Variants in NCOA7 observed in about 807,000 individuals in gnomAD.
NCOA7 encodes 140 kDa estrogen receptor-associated protein.
A neutral mutation model predicts 104.3 loss-of-function variants in NCOA7; 45 were observed. That is an observed-to-expected ratio of 0.43 (90% CI 0.34 to 0.55). The LOEUF (loss-of-function observed/expected upper bound fraction) is 0.55, where lower values mean the gene tolerates loss of function less well. Among genes scored for constraint, NCOA7 ranks in the 20% least tolerant of loss-of-function variants. The pLI is 0.02. For missense variants in NCOA7, 1,041 were observed against 1,119.7 expected (o/e 0.93, Z 1.00); for synonymous variants, 398 against 402.3 (o/e 0.99, Z 0.13).
intron 11 of NCOA7, chr6:125,919,268 C>T (rs1787353139): frequency 2.5e-6 from 4 of 1,611,046 alleles, no homozygotes; most frequent in South Asian, 1.1e-5. Flanking sequence ...TGTAGCTCAG[C>T]GTGGCTACAA....
At chr6:125,798,313 G>A (rs142918910) in intron 1 of NCOA7, 1 of 152,322 alleles carries the variant, frequency 6.6e-6, no homozygotes, top group Non-Finnish European at 1.5e-5. Flanking sequence ...CCACCTCTGT[G>A]CAGTTAGGAA....
At chr6:125,923,430 T>C (rs762801789) in intron 13 of NCOA7, among the ~76,000 whole-genome samples, 1 of 152,228 alleles carries the variant, frequency 6.6e-6, no homozygotes, top group Admixed American at 6.5e-5. Flanking sequence ...AACTAGTTAT[T>C]ACCCCTTGTC....
intron 3 of NCOA7, among the ~76,000 whole-genome samples, chr6:125,868,456 A>G (rs1782614905): frequency 6.6e-6 from 1 of 152,248 alleles, no homozygotes; most frequent in African/African-American, 2.4e-5. Context: ...ATTTCATTTT[A>G]CAGCTAAACC....
rs10485125 is a variant in NCOA7 at position 125,815,296 on chromosome 6, C to T, written c.-59C>T. 5.1e-3 allele frequency: 6,776 copies of T among 1,319,672 alleles called. 165 individuals are homozygous for T. In the African/African-American group the frequency reaches 0.065, roughly 13 times the overall value. The allele number at this position is 1,319,672 out of a possible 1,614,324, so 81.7% of individuals were successfully genotyped here. On this transcript the variant is annotated 5_prime_UTR_variant, in exon 2 of 16. In the 5' UTR this introduces an upstream ATG that the reference lacks. Coordinates refer to ENST00000392477, the MANE Select transcript of NCOA7 (RefSeq NM_181782.5). ...TTTGTTATCTTTTCTTACAGGGTTACGACTCACTGATTAAAAAGAGGGACT... is the reference window on the plus strand; with the variant it reads ...TTTGTTATCTTTTCTTACAGGGTTATGACTCACTGATTAAAAAGAGGGACT...
chr6:125,792,304 A>G (rs1451106908), intron 1 of NCOA7, among the ~76,000 whole-genome samples: 2 of 152,196 alleles, frequency 1.3e-5, no homozygotes, highest in African/African-American at 4.8e-5. Flanking sequence ...TTAGGACCAT[A>G]TGCTATCTTT....
intron 2 of NCOA7, among the ~76,000 whole-genome samples, chr6:125,830,271 G>A (rs890031054): frequency 6.6e-6 from 1 of 152,200 alleles, no homozygotes; most frequent in Non-Finnish European, 1.5e-5. Context: ...TTTCCAGGAT[G>A]AGTATCGTAC....
chr6:125,785,233 G>T (rs976421212), intron 1 of NCOA7, among the ~76,000 whole-genome samples: 1 of 152,130 alleles, frequency 6.6e-6, no homozygotes, highest in Non-Finnish European at 1.5e-5. Context: ...AGCTACTCGG[G>T]AAGCTAAGGC....
chr6:125,830,731 A>ATGTG lies in NCOA7; in HGVS notation c.50+15328_50+15329insGTGT, dbSNP rs1361060849. ...CTCTCTCTATATATTTTATATATAT[A>ATGTG]TATATATGTGTGTGTGTGTGTGTGT... On this transcript the variant is annotated intron_variant, in intron 2 of 15. Coordinates refer to ENST00000392477, the MANE Select transcript of NCOA7 (RefSeq NM_181782.5). 2.5e-4 allele frequency among the ~76,000 whole-genome samples: 29 copies of ATGTG among 116,838 alleles called. No homozygotes were observed. In the East Asian group the frequency reaches 7.4e-3, roughly 30 times the overall value. The allele number at this position is 116,838 out of a possible 152,430, so 76.7% of individuals were successfully genotyped here.
Position 125,928,809 on chromosome 6 carries a change from G to T in NCOA7, c.*38G>T. ...CTTAAAATATAACATTAAAAAGACT[G>T]GGTTCGATCAGCCCTCCTAAAGCTG... On this transcript the variant is annotated 3_prime_UTR_variant, in exon 16 of 16. Transcript: ENST00000392477. 1 of 1,595,888 alleles carries T rather than the reference G, an allele frequency of 6.3e-7. No homozygotes were observed. The highest frequency in any genetic ancestry group is 8.5e-7 in the Non-Finnish European group (1 of 1,173,038).
At chr6:125,831,437 T>G (rs941889647) in intron 2 of NCOA7, among the ~76,000 whole-genome samples, 8 of 152,092 alleles carry the variant, frequency 5.3e-5, no homozygotes. Context: ...AGCTACTCGG[T>G]GTGTCATTTC....
At chr6:125,870,215 A>G (rs972752896) in intron 3 of NCOA7, among the ~76,000 whole-genome samples, 12 of 152,100 alleles carry the variant, frequency 7.9e-5, no homozygotes, top group African/African-American at 2.7e-4. Context: ...TCCAAATCTC[A>G]TTACTCTTAC....
At chr6:125,886,950 G>T (rs1276732842) in intron 8 of NCOA7, among the ~76,000 whole-genome samples, 2 of 152,244 alleles carry the variant, frequency 1.3e-5, no homozygotes, top group Non-Finnish European at 2.9e-5. Flanking sequence ...GCCACAGTGA[G>T]TAAGAAGGTA....
intron 2 of NCOA7, among the ~76,000 whole-genome samples, chr6:125,827,013 C>A (rs2128587273): frequency 6.6e-6 from 1 of 152,096 alleles, no homozygotes; most frequent in East Asian, 1.9e-4. Context: ...GCCTGACCAA[C>A]ATGGAGAAGC....
intron 3 of NCOA7, among the ~76,000 whole-genome samples, chr6:125,861,074 C>CA (rs1377265629): frequency 6.6e-6 from 1 of 152,138 alleles, no homozygotes; most frequent in Non-Finnish European, 1.5e-5. Flanking sequence ...ATGAATTTAG[C>CA]TTCCAATATA....
intron 2 of NCOA7, among the ~76,000 whole-genome samples, chr6:125,829,087 ATTAAT>A (rs1242389004): frequency 1.3e-5 from 2 of 152,068 alleles, no homozygotes; most frequent in African/African-American, 4.8e-5. Flanking sequence ...AGATGAAAAC[ATTAAT>A]TTAGAAATTT....
rs931099663 is a variant in NCOA7 at position 125,885,309 on chromosome 6, A to G, written c.850A>G (p.Ile284Val). 4 of 1,613,642 alleles carry G rather than the reference A, an allele frequency of 2.5e-6. No individual in the cohort carries two copies. Among genetic ancestry groups the G allele is most frequent in the Admixed American group, 3.3e-5 (2 of 59,958 alleles). Reference protein sequence around the residue: ...EVVSIALYNDISHMKIKDALP... With the variant: ...EVVSIALYNDVSHMKIKDALP... Reference sequence around the variant, plus strand: ...TGTTTCCATTGCGCTCTACAATGACATTTCTCACATGAAGATCAAAGATGC... The same window carrying G: ...TGTTTCCATTGCGCTCTACAATGACGTTTCTCACATGAAGATCAAAGATGC... Residue 284 changes from isoleucine (I) to valine (V), a missense_variant, in exon 8 of 16, where the codon ATT becomes GTT. Physicochemically the swap from Ile to Val is conservative, Grantham distance 29. Transcript: ENST00000392477.
intron 2 of NCOA7, among the ~76,000 whole-genome samples, chr6:125,815,790 A>T (rs1228776326): frequency 6.6e-6 from 1 of 152,226 alleles, no homozygotes; most frequent in African/African-American, 2.4e-5. Context: ...TTTAAAGCTT[A>T]TCACCTTGTG....
chr6:125,826,187 C>T (rs966425608), intron 2 of NCOA7, among the ~76,000 whole-genome samples: 5 of 151,844 alleles, frequency 3.3e-5, no homozygotes, highest in Admixed American at 1.3e-4. Context: ...ATTAGCCAGG[C>T]GTGGCAGTGT....
intron 10 of NCOA7, among the ~76,000 whole-genome samples, chr6:125,899,649 C>A (rs1002522603): frequency 6.6e-6 from 1 of 152,144 alleles, no homozygotes; most frequent in African/African-American, 2.4e-5. Flanking sequence ...TTTTGGAAAA[C>A]CCCTAAACAA....
Sources: allele counts gnomAD v4.1 joint callset (sites outside exome capture counted in the v4.1 genomes callset), GRCh38; gene constraint gnomAD v4.1.1; transcripts MANE v1.5; gene names NCBI Gene and HGNC (gene_info 2026-07-23, HGNC 2026-07-21).